The following ATOX1 variants were observed in gnomAD, a reference collection of about 807,000 sequenced individuals.
The protein encoded by ATOX1 is antioxidant 1 copper chaperone, also known as copper transport protein ATOX1.
Under a neutral mutation model 7.3 loss-of-function variants are expected in ATOX1, and 4 were observed. The observed-to-expected ratio is 0.55, with a 90% CI of 0.27 to 1.25. ATOX1 has a LOEUF of 1.25. Among genes scored for constraint, ATOX1 ranks in the 50% most tolerant of loss-of-function variants. The pLI, the probability that ATOX1 is intolerant of heterozygous loss-of-function variation, is 0.12. For missense variants in ATOX1, 68 were observed against 81.6 expected, an observed-to-expected ratio of 0.83 and a Z score of 0.64; for synonymous variants, 25 against 28.7, an observed-to-expected ratio of 0.87 and a Z score of 0.41.
At chr5:151,752,345 C>T in intron 1 of ATOX1, 1 of 698,642 alleles carries the variant, frequency 1.4e-6, no homozygotes, top group Non-Finnish European at 2.6e-6. Flanking sequence ...GAGGCAGCAT[C>T]TGGGTCCAGG....
At chr5:151,744,652 A>T (rs917794804) in intron 3 of ATOX1, 2 of 152,090 alleles carry the variant, frequency 1.3e-5, no homozygotes, top group African/African-American at 4.8e-5. Flanking sequence ...CTCTGCCTCC[A>T]TTCCTTCTTG....
At chr5:151,743,693 G>C (rs1403252843) in intron 3 of ATOX1, 3 of 152,154 alleles carry the variant, frequency 2.0e-5, no homozygotes, top group Non-Finnish European at 4.4e-5. Context: ...GAAACAATGA[G>C]GACAGTGGAG....
chr5:151,757,017 GT>G (rs1762026837), intron 1 of ATOX1, among the ~76,000 whole-genome samples: 2 of 152,306 alleles, frequency 1.3e-5, no homozygotes, highest in African/African-American at 4.8e-5. Flanking sequence ...ATTTTCAGAG[GT>G]TTCTGGGATT....
intron 1 of ATOX1, chr5:151,753,764 A>C (rs1326231891): frequency 6.6e-6 from 1 of 152,112 alleles, no homozygotes; most frequent in Non-Finnish European, 1.5e-5. Context: ...GGGCCCTGCC[A>C]CTCCCCATTT....
chr5:151,757,622 T>G (rs114287857), intron 1 of ATOX1, among the ~76,000 whole-genome samples: 2 of 152,286 alleles, frequency 1.3e-5, no homozygotes, highest in African/African-American at 4.8e-5. Flanking sequence ...TTAGGCACCC[T>G]GAAGAAAATG....
intron 1 of ATOX1, among the ~76,000 whole-genome samples, chr5:151,755,292 C>T (rs1762001034): frequency 6.6e-6 from 1 of 152,124 alleles, no homozygotes; most frequent in Non-Finnish European, 1.5e-5. Context: ...TATCTTTGTA[C>T]AGTATCTAAG....
At chr5:151,749,575 C>A (rs191679784) in intron 2 of ATOX1, among the ~76,000 whole-genome samples, 1 of 150,036 alleles carries the variant, frequency 6.7e-6, no homozygotes, top group African/African-American at 2.5e-5. Context: ...CGCTTGAACC[C>A]GGGGCAGAGT....
At chr5:151,744,415 G>A (rs894314132) in intron 3 of ATOX1, 1 of 152,028 alleles carries the variant, frequency 6.6e-6, no homozygotes, top group Non-Finnish European at 1.5e-5. Flanking sequence ...AGCATAAATG[G>A]GTTAAAATAG....
At chr5:151,751,659 T>G in intron 2 of ATOX1, 45 bp downstream of exon 2, 1 of 1,564,136 alleles carries the variant, frequency 6.4e-7, no homozygotes, top group Non-Finnish European at 8.7e-7. Flanking sequence ...TCTGCATGCA[T>G]CTGAACATGG....
At chr5:151,754,141 T>C (rs1232474763) in intron 1 of ATOX1, 2 of 152,228 alleles carry the variant, frequency 1.3e-5, no homozygotes, top group African/African-American at 4.8e-5. Flanking sequence ...TACAAAATCT[T>C]GTCTTTAAAA....
chr5:151,757,192 G>A (rs994965341), intron 1 of ATOX1, among the ~76,000 whole-genome samples: 1 of 152,120 alleles, frequency 6.6e-6, no homozygotes, highest in Non-Finnish European at 1.5e-5. Flanking sequence ...TGTGGTACAT[G>A]GTGCCAAGTG....
At position 151,757,048 on chromosome 5, in the gene ATOX1, G is replaced by T. The variant is rs577081265; in HGVS notation, c.6+1498C>A. On this transcript the variant is annotated intron_variant, in intron 1 of 3. Coordinates refer to ENST00000313115, the MANE Select transcript of ATOX1 (RefSeq NM_004045.4). ...GGGATTCCAAACCCTGTGCTCTCGG[G>T]CATTTGTCTGAGAAAACTCTCAGGT... is the stretch of plus-strand genomic sequence containing the variant. Among the ~76,000 whole-genome samples the T allele has an allele frequency of 3.4e-4, 52 of 152,244 alleles. 1 individual carries two copies. The highest frequency in any genetic ancestry group is 1.2e-3 in the African/African-American group (48 of 41,548).
At chr5:151,746,214 G>A (rs1215243387) in intron 3 of ATOX1, 65 bp downstream of exon 3, 16 of 1,442,332 alleles carry the variant, frequency 1.1e-5, no homozygotes, top group Non-Finnish European at 1.5e-5. Context: ...CAAAGGCCAA[G>A]GTGTTCGCTC....
At chr5:151,752,497 A>G in intron 1 of ATOX1, 1 of 629,090 alleles carries the variant, frequency 1.6e-6, no homozygotes, top group Non-Finnish European at 2.8e-6. Context: ...AAGCTCCCAG[A>G]AGACAGAGGT....
chr5:151,758,479 C>G, intron 1 of ATOX1, 67 bp downstream of exon 1: 7 of 1,459,046 alleles, frequency 4.8e-6, no homozygotes, highest in Middle Eastern at 1.8e-4. Flanking sequence ...TCCGGTCAAG[C>G]GGCTGTGCAG....
chr5:151,750,509 CA>C (rs5872228), intron 2 of ATOX1, among the ~76,000 whole-genome samples: 1,889 of 102,004 alleles, frequency 0.019, 25 homozygotes, highest in African/African-American at 0.059. Context: ...GACTTCATCT[CA>C]AAAAAAAAAA....
chr5:151,757,510 A>T (rs991173909), intron 1 of ATOX1, among the ~76,000 whole-genome samples: 4 of 152,256 alleles, frequency 2.6e-5, no homozygotes, highest in Admixed American at 6.5e-5. Flanking sequence ...GGCTCTGCCC[A>T]GGAGGCCTCA....
intron 1 of ATOX1, among the ~76,000 whole-genome samples, chr5:151,757,852 T>C (rs1240451696): frequency 6.6e-6 from 1 of 152,202 alleles, no homozygotes; most frequent in Non-Finnish European, 1.5e-5. Context: ...CAATTCTTTA[T>C]ATAAAAAACG....
At chr5:151,746,838 A>G (rs886742332) in intron 2 of ATOX1, among the ~76,000 whole-genome samples, 35 of 152,086 alleles carry the variant, frequency 2.3e-4, no homozygotes, top group African/African-American at 8.4e-4. Flanking sequence ...GGTTCAAGTG[A>G]TTGTCATGCC....
Sources: gnomAD v4.1 joint callset for allele counts (sites outside exome capture counted in the v4.1 genomes callset) on GRCh38, gnomAD v4.1.1 for gene constraint, MANE v1.5 for transcripts, NCBI Gene and HGNC (gene_info 2026-07-23, HGNC 2026-07-21) for gene names.